Variants in DERPC observed in about 807,000 individuals in gnomAD.
DERPC encodes DERPC proline and glycine rich nuclear protein.
In DERPC, 1 loss-of-function variant was observed where a neutral mutation model predicts 7.2. The ratio of observed to expected loss-of-function variants is 0.14; its 90% CI spans 0.05 to 0.66. The LOEUF (loss-of-function observed/expected upper bound fraction) is 0.66. Among genes scored for constraint, DERPC ranks in the 30% least tolerant of loss-of-function variants. The pLI, the probability that DERPC is intolerant of heterozygous loss-of-function variation, is 0.84. For missense variants in DERPC, 502 were observed against 299.4 expected, an observed-to-expected ratio of 1.68 and a Z score of -4.99; for synonymous variants, 185 against 117.6, an observed-to-expected ratio of 1.57 and a Z score of -3.71.
chr16:69,123,936 A>AC (rs1163620049), intron 1 of DERPC, among the ~76,000 whole-genome samples: 69 of 138,968 alleles, frequency 5.0e-4, no homozygotes, highest in East Asian at 2.3e-3. Context: ...AAAAAAAAAA[A>AC]AAAAAAAAAA....
chr16:69,125,571 G>A (rs181415242), intron 1 of DERPC, among the ~76,000 whole-genome samples: 7 of 152,290 alleles, frequency 4.6e-5, no homozygotes, highest in African/African-American at 1.2e-4. Context: ...TGGTCAGAAG[G>A]GCAATATGGA....
intron 1 of DERPC, 67 bp from the exon 2 acceptor site, chr16:69,121,560 C>T (rs1253251301): frequency 1.1e-6 from 1 of 949,546 alleles, no homozygotes; most frequent in Non-Finnish European, 1.6e-6. Context: ...CTAATGCAAC[C>T]TCCACCTCCC....
At chr16:69,128,103 T>C (rs1175456769) in intron 1 of DERPC, among the ~76,000 whole-genome samples, 1 of 151,726 alleles carries the variant, frequency 6.6e-6, no homozygotes, top group Admixed American at 6.6e-5. Context: ...TTAGTAGAGA[T>C]GGGGTTTCAC....
At chr16:69,121,300 A>C in intron 2 of DERPC, 136 bp downstream of exon 2, 2 of 1,221,702 alleles carry the variant, frequency 1.6e-6, no homozygotes, top group East Asian at 4.7e-5. Context: ...GGGCAGTGCT[A>C]GGCATGGAAC....
At chr16:69,129,286 C>T (rs1225174035) in intron 1 of DERPC, among the ~76,000 whole-genome samples, 5 of 151,608 alleles carry the variant, frequency 3.3e-5, no homozygotes, top group African/African-American at 7.3e-5. Context: ...AAAAATTAGC[C>T]GGGCGTGGTG....
rs138706531 is a variant in DERPC, at chr16:69,118,445, G to A, written c.*409C>T. The A allele has an allele frequency of 3.7e-5, 60 of 1,608,504 alleles. No homozygotes were observed. The highest frequency in any genetic ancestry group is 3.3e-4 in the Middle Eastern group (2 of 6,068). The stretch of plus-strand genomic sequence containing the variant: ...AGCATGGTCCGTTCACCAACGCCAC[G>A]TTTCTAGAGAGCAGTGAGCTGATTC... On this transcript the variant is annotated 3_prime_UTR_variant, in exon 3 of 3. Transcript: ENST00000519520.
At chr16:69,129,287 G>T (rs1265987651) in intron 1 of DERPC, among the ~76,000 whole-genome samples, 28 of 151,114 alleles carry the variant, frequency 1.9e-4, no homozygotes, top group Admixed American at 1.9e-3. Context: ...AAAATTAGCC[G>T]GGCGTGGTGG....
chr16:69,121,602 C>A (rs551658268), intron 1 of DERPC, 109 bp from the exon 2 acceptor site: 2 of 633,126 alleles, frequency 3.2e-6, no homozygotes, highest in South Asian at 2.1e-5. Context: ...CTCAGCCTCC[C>A]GAGTAGCTGG....
At position 69,118,462 on chromosome 16, in the gene DERPC, A is replaced by T; in HGVS notation, c.*392T>A. ...AACGCCACGTTTCTAGAGAGCAGTG[A>T]GCTGATTCTCCAATGGTGAGCAGGG... On this transcript the variant is annotated 3_prime_UTR_variant, in exon 3 of 3. Transcript: ENST00000519520. 1.3e-6 allele frequency: 2 copies of T among 1,580,136 alleles called. No individual in the cohort carries two copies. The highest frequency in any genetic ancestry group is 1.7e-6 in the Non-Finnish European group (2 of 1,148,974).
rs1457421911 is a variant in DERPC at position 69,121,337 on chromosome 16, C to T, written c.-222+99G>A. The T allele has an allele frequency of 4.8e-6, 6 of 1,248,778 alleles. No individual in the cohort carries two copies. The Admixed American group carries it at 1.3e-4, about 26-fold the overall frequency. 77.4% of individuals were successfully genotyped at this position (1,248,778 alleles called of 1,614,324 possible). A position where few individuals can be genotyped will look rare whatever the true frequency, so the allele number is the denominator to read the frequency against. ...AGAGATCAGAATGCAAGGATTTGTA[C>T]AAGATGCACCTAAGGACCCTGATTC... On this transcript the variant is annotated intron_variant, in intron 2 of 2. Transcript: ENST00000519520.
chr16:69,121,183 G>A, intron 2 of DERPC: 2 of 1,607,396 alleles, frequency 1.2e-6, no homozygotes, highest in Non-Finnish European at 1.7e-6. Flanking sequence ...GCAAGCAAAG[G>A]GCTGGCGGTT....
At chr16:69,125,425 CAG>C (rs1192896443) in intron 1 of DERPC, among the ~76,000 whole-genome samples, 2 of 152,008 alleles carry the variant, frequency 1.3e-5, no homozygotes, top group Admixed American at 1.3e-4. Context: ...TGCTATGTGA[CAG>C]AGTAGAAATC....
At position 69,120,375 on chromosome 16, in the gene DERPC, A is replaced by G; in HGVS notation, c.54T>C (p.Ala18=). ...PRERPTPWTR[A]PLPPRGRLDG... ...CGAGCCGTCCTCGAGGTGGCAGCGG[A>G]GCACGAGTCCAAGGAGTTGGCCGCT... is the stretch of plus-strand genomic sequence containing the variant. Residue 18 remains alanine, a synonymous_variant, in exon 3 of 3, where the codon GCT becomes GCC. Coordinates refer to ENST00000519520, the MANE Select transcript of DERPC (RefSeq NM_001002847.4). The surrounding 1 kb of genome is among the most constrained non-coding windows in gnomAD (Gnocchi z 4.0). The G allele has an allele frequency of 6.3e-7, 1 of 1,580,266 alleles. No homozygotes were observed. Among genetic ancestry groups the G allele is most frequent in the East Asian group, 2.2e-5 (1 of 44,714 alleles).
rs747969436 is a variant in DERPC at position 69,120,267 on chromosome 16, C to T, written c.162G>A (p.Ala54=). 4.2e-5 allele frequency: 31 copies of T among 735,548 alleles called. 1 individual carries two copies. Among genetic ancestry groups the T allele is most frequent in the South Asian group, 3.7e-4 (25 of 68,356 alleles). 45.6% of individuals were successfully genotyped at this position (735,548 alleles called of 1,614,324 possible). ...LGVNSDPFLM[A]AGSLGGNLTP... is the part of the protein sequence containing the mutation. ...TCAGATTTCCACCAAGAGAACCGGC[C>T]GCCATAAGGAAGGGATCCGAGTTCA... Residue 54 remains alanine (A), a synonymous_variant, in exon 3 of 3, where the codon GCG becomes GCA. Transcript: ENST00000519520. The surrounding 1 kb of genome is among the most constrained non-coding windows in gnomAD (Gnocchi z 4.0).
chr16:69,130,083 G>C (rs888565922), intron 1 of DERPC, among the ~76,000 whole-genome samples: 3 of 152,176 alleles, frequency 2.0e-5, no homozygotes, highest in Non-Finnish European at 4.4e-5. Flanking sequence ...TCTGGTCTCT[G>C]AATTGTTAAA....
At chr16:69,122,377 T>C (rs1039906504) in intron 1 of DERPC, among the ~76,000 whole-genome samples, 6 of 151,852 alleles carry the variant, frequency 4.0e-5, no homozygotes, top group African/African-American at 1.5e-4. Flanking sequence ...TTTTTTTTTT[T>C]TTTTCTTTTT....
intron 1 of DERPC, 55 bp downstream of exon 1, chr16:69,132,429 C>G (rs1962619752): frequency 5.8e-6 from 1 of 173,496 alleles, no homozygotes; most frequent in Non-Finnish European, 1.1e-5. Context: ...CGCCCCCAAT[C>G]CCGGCTCGGC....
At position 69,120,493 on chromosome 16, in the gene DERPC, T is replaced by TCA. The variant is rs1961565732; in HGVS notation, c.-66_-65insTG. ...GTTTTGAAAAGGATCTTGTCTTTGA[T>TCA]GAGTGCTGTCACCAGGTACCGGGTG... is the stretch of plus-strand genomic sequence containing the variant. On this transcript the variant is annotated 5_prime_UTR_variant, in exon 3 of 3. Transcript: ENST00000519520. This position sits in a 1 kb window ranked among gnomAD's most constrained non-coding sequence, Gnocchi z 4.0. 7.4e-6 allele frequency: 12 copies of TCA among 1,614,042 alleles called. No individual in the cohort carries two copies. The East Asian group carries it at 2.7e-4, about 36-fold the overall frequency.
Position 69,119,430 on chromosome 16 carries a change from G to A in DERPC, c.999C>T (p.Pro333=), listed in dbSNP as rs1486585914. The A allele has an allele frequency of 7.1e-6, 5 of 702,832 alleles. No homozygotes were observed. In the East Asian group the frequency reaches 8.0e-5, roughly 11 times the overall value. The allele number at this position is 702,832 out of a possible 1,614,324, so 43.5% of individuals were successfully genotyped here. The part of the protein sequence containing the change: ...GIGLPGPNPS[P]MSRAPGPIGP... ...CTATGGGGCCAGGAGCCCTTGACATGGGAGATGGATTTGGCCCTGGAAGGC... is the reference window on the plus strand; with the variant it reads ...CTATGGGGCCAGGAGCCCTTGACATAGGAGATGGATTTGGCCCTGGAAGGC... The change falls in exon 3 of 3, where the codon CCC becomes CCT. Residue 333 remains proline (P), a synonymous_variant. Coordinates refer to ENST00000519520, the MANE Select transcript of DERPC (RefSeq NM_001002847.4).
Sources: gnomAD v4.1 joint callset for allele counts (sites outside exome capture counted in the v4.1 genomes callset) on GRCh38, gnomAD v4.1.1 for gene constraint, Gnocchi (gnomAD v3.1) non-coding constraint, MANE v1.5 for transcripts, NCBI Gene and HGNC (gene_info 2026-07-23, HGNC 2026-07-21) for gene names.